The following SH3GL2 variants were observed in gnomAD, a reference collection of about 807,000 sequenced individuals.
SH3GL2 encodes the protein SH3 domain containing GRB2 like 2, endophilin A1, also known as endophilin-A1.
A neutral mutation model predicts 46.0 loss-of-function variants in SH3GL2; 24 were observed. The ratio of observed to expected loss-of-function variants is 0.52; its 90% CI spans 0.38 to 0.73. SH3GL2 has a LOEUF of 0.73. Among genes scored for constraint, SH3GL2 ranks in the 30% least tolerant of loss-of-function variants. The probability of loss-of-function intolerance (pLI) is 0.00; values close to 1 mark genes in which losing one functional copy is unlikely to be tolerated. For missense variants in SH3GL2, 413 were observed against 424.2 expected (o/e 0.97, Z 0.23); for synonymous variants, 196 against 147.1 (o/e 1.33, Z -2.40).
chr9:17,586,288 G>T (rs112808269), intron 1 of SH3GL2, among the ~76,000 whole-genome samples: 68 of 152,252 alleles, frequency 4.5e-4, no homozygotes, highest in African/African-American at 1.5e-3. Flanking sequence ...TGTAATACTC[G>T]TGAAGAACCC....
At chr9:17,793,597 A>T (rs908654427) in intron 8 of SH3GL2, 100 bp downstream of exon 8, 16 of 1,063,844 alleles carry the variant, frequency 1.5e-5, no homozygotes, top group Non-Finnish European at 2.0e-5. Context: ...TGCATAGGAA[A>T]TATGCAGTAA....
intron 1 of SH3GL2, among the ~76,000 whole-genome samples, chr9:17,712,936 G>C (rs527864694): frequency 7.0e-6 from 1 of 143,594 alleles, no homozygotes; most frequent in Non-Finnish European, 1.5e-5. Flanking sequence ...ACATCCTTGT[G>C]AACATTCTTG....
intron 1 of SH3GL2, among the ~76,000 whole-genome samples, chr9:17,692,812 C>T (rs145713839): frequency 3.5e-4 from 53 of 152,232 alleles, no homozygotes; most frequent in South Asian, 8.3e-4. Flanking sequence ...CTTACGGTTC[C>T]ACTTGGCTGG....
chr9:17,793,565 T>C, intron 8 of SH3GL2, 68 bp downstream of exon 8: 1 of 1,501,638 alleles, frequency 6.7e-7, no homozygotes, highest in Non-Finnish European at 9.1e-7. Flanking sequence ...TTCCAGAAAT[T>C]TTAGGAATAG....
intron 3 of SH3GL2, among the ~76,000 whole-genome samples, chr9:17,777,664 T>C (rs1355618275): frequency 2.0e-5 from 3 of 152,172 alleles, no homozygotes; most frequent in Admixed American, 2.0e-4. Context: ...TATGTCCTCA[T>C]GTAACCTTTT....
intron 3 of SH3GL2, among the ~76,000 whole-genome samples, chr9:17,772,443 A>G (rs1017042214): frequency 1.3e-5 from 2 of 152,126 alleles, no homozygotes; most frequent in Admixed American, 1.3e-4. Context: ...ATCCATCTCC[A>G]TAACTCTTTT....
intron 1 of SH3GL2, among the ~76,000 whole-genome samples, chr9:17,721,679 A>C (rs567673626): frequency 6.6e-6 from 1 of 152,132 alleles, no homozygotes; most frequent in Admixed American, 6.5e-5. Context: ...CATGTTCCTC[A>C]CTATATATTT....
chr9:17,608,025 C>G (rs111734401), intron 1 of SH3GL2, among the ~76,000 whole-genome samples: 1 of 151,956 alleles, frequency 6.6e-6, no homozygotes, highest in African/African-American at 2.4e-5. Context: ...CTCATCTGTT[C>G]AAATGAAAAT....
intron 1 of SH3GL2, among the ~76,000 whole-genome samples, chr9:17,742,484 G>A (rs1177156431): frequency 6.6e-6 from 1 of 152,168 alleles, no homozygotes; most frequent in African/African-American, 2.4e-5. Flanking sequence ...TAAAACGTGA[G>A]TTGATTGTAT....
rs765127651 is a variant in SH3GL2, at chr9:17,711,621, C to G, written c.46-35445C>G. Among the ~76,000 whole-genome samples the G allele has an allele frequency of 4.6e-5, 7 of 151,778 alleles. No individual in the cohort carries two copies. The South Asian group carries it at 6.2e-4, about 14-fold the overall frequency. ...CAATCGGCATAATTGTTTTGAGACT[C>G]CATGTTTTTGTGTATATAAAGTTAA... On this transcript the variant is annotated intron_variant, in intron 1 of 8. Transcript: ENST00000380607.
chr9:17,714,642 T>TA (rs2118297105), intron 1 of SH3GL2, among the ~76,000 whole-genome samples: 1 of 151,942 alleles, frequency 6.6e-6, no homozygotes, highest in East Asian at 1.9e-4. Flanking sequence ...TAGAGCAGTA[T>TA]ACTTCATTTC....
chr9:17,626,248 A>C (rs1269886587), intron 1 of SH3GL2, among the ~76,000 whole-genome samples: 1 of 152,152 alleles, frequency 6.6e-6, no homozygotes, highest in African/African-American at 2.4e-5. Flanking sequence ...AGGGGATATG[A>C]GCCCATGTGA....
At chr9:17,681,322 A>G (rs937365104) in intron 1 of SH3GL2, among the ~76,000 whole-genome samples, 18 of 152,146 alleles carry the variant, frequency 1.2e-4, no homozygotes, top group African/African-American at 3.1e-4. Context: ...AGTGTTACCA[A>G]TTAATGCTTG....
chr9:17,636,360 T>G (rs1588193529), intron 1 of SH3GL2, among the ~76,000 whole-genome samples: 1 of 152,166 alleles, frequency 6.6e-6, no homozygotes, highest in East Asian at 1.9e-4. Flanking sequence ...CCAACATTTA[T>G]CCCACACCCA....
intron 1 of SH3GL2, among the ~76,000 whole-genome samples, chr9:17,731,791 A>G (rs1478340829): frequency 6.6e-6 from 1 of 152,064 alleles, no homozygotes; most frequent in Non-Finnish European, 1.5e-5. Flanking sequence ...CTTCATCTCA[A>G]GTGCTCTCTC....
intron 1 of SH3GL2, among the ~76,000 whole-genome samples, chr9:17,618,334 T>C (rs2134595561): frequency 6.6e-6 from 1 of 152,316 alleles, no homozygotes; most frequent in East Asian, 1.9e-4. Context: ...TACCCTTCTC[T>C]AATGGGATTC....
intron 3 of SH3GL2, among the ~76,000 whole-genome samples, chr9:17,767,030 G>A (rs1398251828): frequency 6.6e-6 from 1 of 152,196 alleles, no homozygotes; most frequent in Non-Finnish European, 1.5e-5. Context: ...TAGCATCCTT[G>A]TTATGAGAGA....
At chr9:17,600,855 G>C (rs892053479) in intron 1 of SH3GL2, among the ~76,000 whole-genome samples, 5 of 152,164 alleles carry the variant, frequency 3.3e-5, no homozygotes, top group African/African-American at 9.7e-5. Flanking sequence ...AAAGAGATAT[G>C]TTATTTATGT....
chr9:17,773,484 G>A (rs1483986083), intron 3 of SH3GL2, among the ~76,000 whole-genome samples: 1 of 152,024 alleles, frequency 6.6e-6, no homozygotes, highest in Admixed American at 6.6e-5. Context: ...GTTAATTTTT[G>A]TATATAGTAT....
Sources: gnomAD v4.1 joint callset for allele counts (sites outside exome capture counted in the v4.1 genomes callset) on GRCh38, gnomAD v4.1.1 for gene constraint, MANE v1.5 for transcripts, NCBI Gene and HGNC (gene_info 2026-07-23, HGNC 2026-07-21) for gene names.